ARG1: variants seen among roughly 807,000 people sequenced by gnomAD.
ARG1 encodes arginase-1.
In ARG1, 20 loss-of-function variants were observed where a neutral mutation model predicts 33.0. The ratio of observed to expected loss-of-function variants is 0.61; its 90% CI spans 0.43 to 0.88. The LOEUF (loss-of-function observed/expected upper bound fraction) is 0.88. Ranked by LOEUF, ARG1 falls within the 40% of genes least tolerant of loss-of-function variation. The probability of loss-of-function intolerance (pLI) is 0.00; values close to 1 mark genes in which losing one functional copy is unlikely to be tolerated. For synonymous variants in ARG1, 146 were observed against 140.6 expected, an observed-to-expected ratio of 1.04 and a Z score of -0.27; for missense variants, 374 against 384.7, an observed-to-expected ratio of 0.97 and a Z score of 0.23.
At chr6:131,574,423 A>T in intron 1 of ARG1, 1 of 1,031,948 alleles carries the variant, frequency 9.7e-7, no homozygotes. Context: ...CATTTTGCTG[A>T]CACAGAAATG....
Position 131,581,370 on chromosome 6 carries a change from A to C in ARG1, c.457A>C (p.Lys153Gln). 1 of 1,612,892 alleles carries C rather than the reference A, an allele frequency of 6.2e-7. No individual in the cohort carries two copies. Among genetic ancestry groups the C allele is most frequent in the African/African-American group, 1.3e-5 (1 of 75,030 alleles). ...QPVSFLLKEL[K>Q]GKIPDVPGFS... ...TGTATCTTTCCTCCTGAAGGAACTA[A>C]AAGGAAAGGTAAAAGACTGGTTGGT... Residue 153 changes from lysine (K) to glutamine (Q), a missense_variant, in exon 4 of 8, where the codon AAA becomes CAA. Lys to Gln is a moderately conservative substitution (Grantham distance 53). Transcript: ENST00000368087.
chr6:131,577,890 C>A (rs1308333208), intron 2 of ARG1, among the ~76,000 whole-genome samples: 2 of 143,080 alleles, frequency 1.4e-5, no homozygotes, highest in African/African-American at 2.6e-5. Flanking sequence ...GGCGACAGAG[C>A]GAGACTCCAT....
chr6:131,581,246 T>C lies in ARG1; in HGVS notation c.333T>C (p.His111=), dbSNP rs200458963. The part of the protein sequence containing the change: ...HSLAIGSISG[H]ARVHPDLGVI... ...TGGCAATTGGAAGCATCTCTGGCCATGCCAGGGTCCACCCTGATCTTGGAG... is the reference window on the plus strand; with the variant it reads ...TGGCAATTGGAAGCATCTCTGGCCACGCCAGGGTCCACCCTGATCTTGGAG... The change falls in exon 4 of 8, where the codon CAT becomes CAC. Residue 111 remains histidine, a synonymous_variant. Transcript: ENST00000368087. The C allele has an allele frequency of 1.2e-5, 19 of 1,613,924 alleles. No homozygotes were observed. The African/African-American group carries it at 2.0e-4, about 17-fold the overall frequency.
At chr6:131,574,144 G>A (rs1562352085) in intron 1 of ARG1, 1 of 953,964 alleles carries the variant, frequency 1.0e-6, no homozygotes, top group Admixed American at 1.8e-5. Context: ...ACGCATCTGT[G>A]CTTAAAGAGG....
chr6:131,573,977 A>G, intron 1 of ARG1: 1 of 418,756 alleles, frequency 2.4e-6, no homozygotes, highest in African/African-American at 2.0e-5. Flanking sequence ...TGGCAACTCT[A>G]AAAGGATTTT....
At chr6:131,582,968 T>C (rs1774011765) in intron 5 of ARG1, 92 bp from the exon 6 acceptor site, 2 of 914,440 alleles carry the variant, frequency 2.2e-6, no homozygotes, top group Non-Finnish European at 3.4e-6. Flanking sequence ...AAATGTTTTA[T>C]ATATTTTACT....
rs1359505397 is a variant in ARG1 at position 131,576,696 on chromosome 6, T to C, written c.91T>C (p.Leu31=). The change falls in exon 2 of 8, where the codon TTG becomes CTG. Residue 31 remains leucine, a synonymous_variant. Coordinates refer to ENST00000368087, the MANE Select transcript of ARG1 (RefSeq NM_000045.4). ...AGGGGTGGAAGAAGGCCCTACAGTA[T>C]TGAGAAAGGCTGGTCTGCTTGAGAA... The part of the protein sequence containing the change: ...RGGVEEGPTV[L]RKAGLLEKLK... 1.2e-6 allele frequency: 2 copies of C among 1,614,120 alleles called. No individual in the cohort carries two copies. The highest frequency in any genetic ancestry group is 8.5e-7 in the Non-Finnish European group (1 of 1,180,004).
At chr6:131,579,487 T>G (rs1405288185) in intron 3 of ARG1, 2 of 527,756 alleles carry the variant, frequency 3.8e-6, no homozygotes, top group Non-Finnish European at 6.7e-6. Flanking sequence ...AATATCTGTA[T>G]TTTGACCTAG....
intron 3 of ARG1, among the ~76,000 whole-genome samples, chr6:131,580,299 A>AT (rs1773854060): frequency 6.6e-6 from 1 of 152,156 alleles, no homozygotes; most frequent in Non-Finnish European, 1.5e-5. Flanking sequence ...TTAAGTGGAA[A>AT]TTTTAGGAAT....
Position 131,576,672 on chromosome 6 carries a change from G to A in ARG1, c.67G>A (p.Gly23Arg). The A allele has an allele frequency of 3.7e-6, 6 of 1,613,908 alleles. No homozygotes were observed. The highest frequency in any genetic ancestry group is 1.1e-5 in the South Asian group (1 of 91,070). ...APFSKGQPRG[G>R]VEEGPTVLRK... ...TTTTTTAATTGTTCAGCCACGAGGAGGGGTGGAAGAAGGCCCTACAGTATT... is the reference window on the plus strand; with the variant it reads ...TTTTTTAATTGTTCAGCCACGAGGAAGGGTGGAAGAAGGCCCTACAGTATT... The change falls in exon 2 of 8, where the codon GGG becomes AGG. Residue 23 changes from glycine to arginine, a missense_variant. Coordinates refer to ENST00000368087, the MANE Select transcript of ARG1 (RefSeq NM_000045.4).
chr6:131,579,727 G>T, intron 3 of ARG1: 1 of 158,608 alleles, frequency 6.3e-6, no homozygotes, highest in Non-Finnish European at 1.4e-5. Context: ...AAAAAAATGT[G>T]GTAATTGTAC....
At position 131,579,140 on chromosome 6, in the gene ARG1, C is replaced by A. The variant is rs752395217; in HGVS notation, c.160C>A (p.Pro54Thr). The change falls in exon 3 of 8, where the codon CCC becomes ACC. Residue 54 changes from proline to threonine, a missense_variant. Coordinates refer to ENST00000368087, the MANE Select transcript of ARG1 (RefSeq NM_000045.4). ...TGATGTGAAGGATTATGGGGACCTGCCCTTTGCTGACATCCCTAATGACAG... is the reference window on the plus strand; with the variant it reads ...TGATGTGAAGGATTATGGGGACCTGACCTTTGCTGACATCCCTAATGACAG... The part of the protein sequence containing the change: ...ECDVKDYGDL[P>T]FADIPNDSPF... The A allele has an allele frequency of 6.2e-7, 1 of 1,614,004 alleles. No homozygotes were observed. Among genetic ancestry groups the A allele is most frequent in the Non-Finnish European group, 8.5e-7 (1 of 1,180,000 alleles).
rs778014573 is a variant in ARG1, at chr6:131,573,354, C to A, written c.57+15C>A. The A allele has an allele frequency of 3.7e-6, 6 of 1,613,454 alleles. No homozygotes were observed. The highest frequency in any genetic ancestry group is 5.1e-6 in the Non-Finnish European group (6 of 1,179,666). ...CAAAGGGACAGGTAAGGAAAAAAGT[C>A]TTTCTTTGAATTCCTGGAATTTAGT... On this transcript the variant is annotated intron_variant, in intron 1 of 7. Coordinates refer to ENST00000368087, the MANE Select transcript of ARG1 (RefSeq NM_000045.4).
Position 131,583,719 on chromosome 6 carries a change from A to T in ARG1, c.803-23A>T, listed in dbSNP as rs777241666. On this transcript the variant is annotated intron_variant, in intron 7 of 7. Transcript: ENST00000368087. ...AAATGTCAACTATTTTATAAATTAC[A>T]TTATTACAATTTGTTGTTGTAGGGC... The T allele has an allele frequency of 3.1e-6, 5 of 1,609,300 alleles. No homozygotes were observed. The East Asian group carries it at 8.9e-5, about 29-fold the overall frequency.
chr6:131,582,685 T>C lies in ARG1; in HGVS notation c.530T>C (p.Ile177Thr), dbSNP rs1302642207. Residue 177 changes from isoleucine to threonine, a missense_variant, in exon 5 of 8, where the codon ATT (isoleucine) becomes ACT (threonine). Coordinates refer to ENST00000368087, the MANE Select transcript of ARG1 (RefSeq NM_000045.4). ...PCISAKDIVYIGLRDVDPGEH... is the reference protein window; with the variant it reads ...PCISAKDIVYTGLRDVDPGEH... ...ATATCTGCCAAGGATATTGTGTATA[T>C]TGGCTTGAGAGACGTGGACCCTGGG... The C allele has an allele frequency of 1.2e-6, 2 of 1,613,904 alleles. No individual in the cohort carries two copies. The highest frequency in any genetic ancestry group is 2.2e-5 in the East Asian group (1 of 44,858).
chr6:131,580,834 A>G (rs1276596601), intron 3 of ARG1, among the ~76,000 whole-genome samples: 2 of 152,212 alleles, frequency 1.3e-5, no homozygotes, highest in Non-Finnish European at 2.9e-5. Flanking sequence ...AAGAGAGATG[A>G]GTGTACAGAA....
intron 1 of ARG1, among the ~76,000 whole-genome samples, chr6:131,575,519 A>G (rs1773572766): frequency 6.6e-6 from 1 of 152,194 alleles, no homozygotes; most frequent in African/African-American, 2.4e-5. Context: ...CCTTGCTGCC[A>G]GGGACAGGAA....
At chr6:131,582,536 G>T (rs911464078) in intron 4 of ARG1, 85 bp from the exon 5 acceptor site, 7 of 980,798 alleles carry the variant, frequency 7.1e-6, no homozygotes, top group Admixed American at 3.4e-5. Context: ...TAAGATATAC[G>T]CAATCCAATA....
chr6:131,573,269 A>G lies in ARG1; in HGVS notation c.-14A>G, dbSNP rs1270717261. The G allele has an allele frequency of 5.6e-6, 9 of 1,614,028 alleles. No homozygotes were observed. Among genetic ancestry groups the G allele is most frequent in the Non-Finnish European group, 7.6e-6 (9 of 1,179,940 alleles). On this transcript the variant is annotated 5_prime_UTR_variant, in exon 1 of 8. Transcript: ENST00000368087. The stretch of plus-strand genomic sequence containing the variant: ...ACTGGAGAGCTCAAGTGCAGCAAAG[A>G]GAAGTGTCAGAGCATGAGCGCCAAG...
Sources: allele counts gnomAD v4.1 joint callset (sites outside exome capture counted in the v4.1 genomes callset), GRCh38; gene constraint gnomAD v4.1.1; transcripts MANE v1.5; gene names NCBI Gene and HGNC (gene_info 2026-07-23, HGNC 2026-07-21).